The following FADS1 variants were observed in gnomAD, a reference collection of about 807,000 sequenced individuals.
FADS1 encodes the protein acyl-CoA (8-3)-desaturase.
FADS1 carries 17 observed loss-of-function variants against 61.6 expected under a neutral mutation model. The observed-to-expected ratio is 0.28, with a 90% CI of 0.19 to 0.41. The LOEUF (loss-of-function observed/expected upper bound fraction) is 0.41. FADS1 is among the 10% of genes least tolerant of loss of function. The pLI, the probability that FADS1 is intolerant of heterozygous loss-of-function variation, is 1.00. For missense variants in FADS1, 387 were observed against 650.9 expected (o/e 0.59, Z 4.41); for synonymous variants, 238 against 258.7 (o/e 0.92, Z 0.77).
In FADS1 at chr11:61,804,805, G is replaced by T. The variant is rs770500579; in HGVS notation, c.977-44C>A. On this transcript the variant is annotated intron_variant, in intron 6 of 11. Transcript: ENST00000350997. Reference sequence around the variant, plus strand: ...CAAAGAGGAGGCATGAGCACAGGAAGGTCATGAAAGGGCCAGTTGATGTTG... The same window carrying T: ...CAAAGAGGAGGCATGAGCACAGGAATGTCATGAAAGGGCCAGTTGATGTTG... The T allele has an allele frequency of 1.6e-5, 24 of 1,530,440 alleles. No homozygotes were observed. In the Admixed American group the frequency reaches 3.5e-4, roughly 22 times the overall value. 94.8% of individuals were successfully genotyped at this position (1,530,440 alleles called of 1,614,324 possible).
Position 61,812,008 on chromosome 11 carries a change from T to A in FADS1, c.684+463A>T. 2 of 335,136 alleles carry A rather than the reference T, an allele frequency of 6.0e-6. 1 individual carries two copies. The highest frequency in any genetic ancestry group is 1.2e-5 in the Non-Finnish European group (2 of 167,512). 20.8% of individuals were successfully genotyped at this position (335,136 alleles called of 1,614,324 possible). A position where few individuals can be genotyped will look rare whatever the true frequency, so the allele number is the denominator to read the frequency against. ...GATTACAGACATGAGTCACCACACC[T>A]GGCCTGAAGCTCATGACTTATGATG... On this transcript the variant is annotated intron_variant, in intron 3 of 11. Transcript: ENST00000350997.
Position 61,806,227 on chromosome 11 carries a change from C to G in FADS1, c.976+437G>C, listed in dbSNP as rs546390843. 7.0e-5 allele frequency: 11 copies of G among 157,802 alleles called. No individual in the cohort carries two copies. The South Asian group carries it at 2.0e-3, about 29-fold the overall frequency. 9.8% of individuals were successfully genotyped at this position (157,802 alleles called of 1,614,324 possible). A position where few individuals can be genotyped will look rare whatever the true frequency, so the allele number is the denominator to read the frequency against. ...CGGTGGCGGGTGCCTGTAATCCCAGCTACTCGGGAGGCTGAGGCAGGAGAA... is the reference window on the plus strand; with the variant it reads ...CGGTGGCGGGTGCCTGTAATCCCAGGTACTCGGGAGGCTGAGGCAGGAGAA... On this transcript the variant is annotated intron_variant, in intron 6 of 11. Coordinates refer to ENST00000350997, the MANE Select transcript of FADS1 (RefSeq NM_013402.7).
In FADS1 at chr11:61,799,769, A is replaced by G. The variant is rs1051344734; in HGVS notation, c.*2642T>C. 1 of 152,576 alleles carries G rather than the reference A, an allele frequency of 6.6e-6. No homozygotes were observed. The highest frequency in any genetic ancestry group is 1.5e-5 in the Non-Finnish European group (1 of 68,042). 9.5% of individuals were successfully genotyped at this position (152,576 alleles called of 1,614,324 possible). A position where few individuals can be genotyped will look rare whatever the true frequency, so the allele number is the denominator to read the frequency against. ...AAAAAAGTGAAAGTAACAAAGATAA[A>G]CATAGAAGTTGGAGTTGTAAAAAAG... On this transcript the variant is annotated 3_prime_UTR_variant, in exon 12 of 12. Coordinates refer to ENST00000350997, the MANE Select transcript of FADS1 (RefSeq NM_013402.7).
chr11:61,806,688 G>A lies in FADS1; in HGVS notation c.952C>T (p.His318Tyr), dbSNP rs2066897196. ...KQKKKYMPYN[H>Y]QHKYFFLIGP... ...CTTAGGAAGAAGTATTTGTGCTGGTGGTTGTACGGCATATATTTTTTCTTC... is the reference window on the plus strand; with the variant it reads ...CTTAGGAAGAAGTATTTGTGCTGGTAGTTGTACGGCATATATTTTTTCTTC... The change falls in exon 6 of 12, where the codon CAC (histidine) becomes TAC (tyrosine). Residue 318 changes from histidine to tyrosine, a missense_variant. Physicochemically the swap from His to Tyr is moderately conservative, Grantham distance 83. Transcript: ENST00000350997. 1 of 1,614,104 alleles carries A rather than the reference G, an allele frequency of 6.2e-7. No individual in the cohort carries two copies. Among genetic ancestry groups the A allele is most frequent in the Non-Finnish European group, 8.5e-7 (1 of 1,179,962 alleles).
intron 6 of FADS1, 70 bp downstream of exon 6, chr11:61,806,594 G>T: frequency 7.3e-7 from 1 of 1,377,880 alleles, no homozygotes; most frequent in Non-Finnish European, 1.0e-6. Context: ...CCCTTGGACA[G>T]CCACATCCTC....
intron 5 of FADS1, among the ~76,000 whole-genome samples, chr11:61,809,053 A>G (rs891266068): frequency 2.0e-5 from 3 of 152,324 alleles, no homozygotes; most frequent in South Asian, 2.1e-4. Context: ...CTAAGGCCCT[A>G]CATGATCTGG....
rs749588716 is a variant in FADS1, at chr11:61,801,209, CTG to C, written c.*1200_*1201del. 1 of 152,484 alleles carries C rather than the reference CTG, an allele frequency of 6.6e-6. No homozygotes were observed. The highest frequency in any genetic ancestry group is 1.5e-5 in the Non-Finnish European group (1 of 68,034). The allele number at this position is 152,484 out of a possible 1,614,324, so 9.4% of individuals were successfully genotyped here. A position where few individuals can be genotyped will look rare whatever the true frequency, so the allele number is the denominator to read the frequency against. ...CCCTTACATTCTTTATGACCGAAAT[CTG>C]TGTCTTTCCTCATGACTGATAATTA... On this transcript the variant is annotated 3_prime_UTR_variant, in exon 12 of 12. Coordinates refer to ENST00000350997, the MANE Select transcript of FADS1 (RefSeq NM_013402.7).
At chr11:61,810,452 G>C (rs572444265) in intron 5 of FADS1, among the ~76,000 whole-genome samples, 6 of 152,294 alleles carry the variant, frequency 3.9e-5, no homozygotes, top group Admixed American at 3.9e-4. Flanking sequence ...GCACCTTCAA[G>C]GATAGGCTAT....
In FADS1 at chr11:61,816,708, CG is replaced by C; in HGVS notation, c.221del (p.Pro74ArgfsTer20). ...AAETAAQGPT[P>X]RYFTWDEVAQ... ...CCACCTCGTCCCAGGTGAAGTAGCG[CG>C]GGGTAGGTCCCTGAGCCGCGGTCTC... On this transcript the variant is annotated frameshift_variant, in exon 1 of 12. Transcript: ENST00000350997. LOFTEE classifies it high-confidence loss of function. The surrounding 1 kb of genome is among the most constrained non-coding windows in gnomAD (Gnocchi z 7.0). 2 of 1,575,862 alleles carry C rather than the reference CG, an allele frequency of 1.3e-6. No homozygotes were observed. The highest frequency in any genetic ancestry group is 1.2e-5 in the South Asian group (1 of 86,326).
At position 61,802,282 on chromosome 11, in the gene FADS1, G is replaced by T; in HGVS notation, c.*129C>A. 1 of 803,420 alleles carries T rather than the reference G, an allele frequency of 1.2e-6. No homozygotes were observed. 49.8% of individuals were successfully genotyped at this position (803,420 alleles called of 1,614,324 possible). A position where few individuals can be genotyped will look rare whatever the true frequency, so the allele number is the denominator to read the frequency against. On this transcript the variant is annotated 3_prime_UTR_variant, in exon 12 of 12. Coordinates refer to ENST00000350997, the MANE Select transcript of FADS1 (RefSeq NM_013402.7). The surrounding 1 kb of genome is among the most constrained non-coding windows in gnomAD (Gnocchi z 4.2). ...AGATAAAAGGGAGGAGTTTGAGTCA[G>T]AGGCTTTATGTCCCCAAACCCAACC...
intron 2 of FADS1, 30 bp from the exon 3 acceptor site, chr11:61,812,698 T>C (rs761237817): frequency 6.9e-6 from 11 of 1,593,630 alleles, no homozygotes; most frequent in African/African-American, 1.3e-5. Context: ...GCTGTTATTC[T>C]TCTCATCTGC....
chr11:61,816,501 T>G lies in FADS1; in HGVS notation c.375+54A>C, dbSNP rs765810768. ...TCGGAGTGCGTAACTCTGTCTCCCCTGCACTCAGCCTCCGGTCCCGCCCTC... is the reference window on the plus strand; with the variant it reads ...TCGGAGTGCGTAACTCTGTCTCCCCGGCACTCAGCCTCCGGTCCCGCCCTC... On this transcript the variant is annotated intron_variant, in intron 1 of 11. Coordinates refer to ENST00000350997, the MANE Select transcript of FADS1 (RefSeq NM_013402.7). This position sits in a 1 kb window ranked among gnomAD's most constrained non-coding sequence, Gnocchi z 7.0. 10 of 1,599,780 alleles carry G rather than the reference T, an allele frequency of 6.3e-6. No individual in the cohort carries two copies. Among genetic ancestry groups the G allele is most frequent in the African/African-American group, 1.3e-5 (1 of 74,792 alleles).
rs535388755 is a variant in FADS1 at position 61,816,793 on chromosome 11, G to C, written c.137C>G (p.Pro46Arg). The C allele has an allele frequency of 2.1e-5, 31 of 1,505,806 alleles. No individual in the cohort carries two copies. In the African/African-American group the frequency reaches 4.5e-4, roughly 22 times the overall value. 93.3% of individuals were successfully genotyped at this position (1,505,806 alleles called of 1,614,324 possible). ...PRTPSTRLTA[P>R]AGPARGVARP... Reference sequence around the variant, plus strand: ...GGCGACGCCGCGCGCCGGGCCAGCAGGGGCTGTCAGGCGCGTGCTCGGGGT... The same window carrying C: ...GGCGACGCCGCGCGCCGGGCCAGCACGGGCTGTCAGGCGCGTGCTCGGGGT... The change falls in exon 1 of 12, where the codon CCT becomes CGT. Residue 46 changes from proline to arginine, a missense_variant. This residue lies in a region of FADS1 where 130 missense variants were observed against 117.7 expected (regional missense o/e 1.10). Transcript: ENST00000350997. This position sits in a 1 kb window ranked among gnomAD's most constrained non-coding sequence, Gnocchi z 7.0.
intron 2 of FADS1, 47 bp from the exon 3 acceptor site, chr11:61,812,715 A>C: frequency 1.3e-6 from 2 of 1,543,274 alleles, no homozygotes; most frequent in African/African-American, 1.4e-5. Context: ...CTGCACCCCA[A>C]TGCTACTGGA....
At chr11:61,811,695 TTC>T (rs1183700595) in intron 3 of FADS1, 3 of 280,920 alleles carry the variant, frequency 1.1e-5, no homozygotes, top group Non-Finnish European at 2.1e-5. Flanking sequence ...GTTCAAGCAA[TTC>T]TCCTGCCTCA....
rs2066882830 is a variant in FADS1, at chr11:61,804,883, C to T, written c.977-122G>A. On this transcript the variant is annotated intron_variant, in intron 6 of 11. Coordinates refer to ENST00000350997, the MANE Select transcript of FADS1 (RefSeq NM_013402.7). ...CCTCTTCCAACCATCCCTTCTGTCT[C>T]CCCTCCAGGTGCTTGAGTGCTCTGC... 7.5e-6 allele frequency: 6 copies of T among 799,690 alleles called. No individual in the cohort carries two copies. In the South Asian group the frequency reaches 8.9e-5, roughly 12 times the overall value. 49.5% of individuals were successfully genotyped at this position (799,690 alleles called of 1,614,324 possible).
chr11:61,813,183 A>C, intron 2 of FADS1, 60 bp downstream of exon 2: 2 of 983,198 alleles, frequency 2.0e-6, no homozygotes, highest in Non-Finnish European at 3.3e-6. Flanking sequence ...CTCTCCTTCC[A>C]CCCCCTCTCT....
At chr11:61,807,993 T>C (rs1276571336) in intron 5 of FADS1, among the ~76,000 whole-genome samples, 1 of 152,212 alleles carries the variant, frequency 6.6e-6, no homozygotes, top group Non-Finnish European at 1.5e-5. Flanking sequence ...AATACAGACT[T>C]CCCACCCTCA....
chr11:61,804,844 C>T (rs1305444858), intron 6 of FADS1, 83 bp from the exon 7 acceptor site: 8 of 1,183,194 alleles, frequency 6.8e-6, no homozygotes, highest in East Asian at 2.3e-5. Context: ...GAGATGGCCT[C>T]TAGCAGGGGG....
Sources: gnomAD v4.1 joint callset for allele counts (sites outside exome capture counted in the v4.1 genomes callset) on GRCh38, gnomAD v4.1.1 for gene constraint, gnomAD v4.1.1 regional missense constraint, Gnocchi (gnomAD v3.1) non-coding constraint, MANE v1.5 for transcripts, NCBI Gene and HGNC (gene_info 2026-07-23, HGNC 2026-07-21) for gene names.